The following NPM1 variants were observed in gnomAD, a reference collection of about 807,000 sequenced individuals.
NPM1 encodes the protein nucleophosmin.
Under a neutral mutation model 44.1 loss-of-function variants are expected in NPM1, and 1 was observed. That is an observed-to-expected ratio of 0.02 (90% CI 0.01 to 0.11). The LOEUF (loss-of-function observed/expected upper bound fraction) is 0.11. Among genes scored for constraint, NPM1 ranks in the 10% least tolerant of loss-of-function variants. The pLI is 1.00. For synonymous variants in NPM1, 126 were observed against 111.8 expected (o/e 1.13, Z -0.80); for missense variants, 197 against 347.8 (o/e 0.57, Z 3.45).
intron 8 of NPM1, among the ~76,000 whole-genome samples, chr5:171,404,871 T>C (rs34878135): frequency 0.55 from 83,198 of 151,924 alleles, 22,822 homozygotes; most frequent in Middle Eastern, 0.6. Flanking sequence ...AACGAGACTC[T>C]GTCTGCCCTG....
intron 7 of NPM1, among the ~76,000 whole-genome samples, chr5:171,400,460 CTTT>C (rs199784076): frequency 7.1e-4 from 99 of 138,670 alleles, no homozygotes; most frequent in Middle Eastern, 3.7e-3. Context: ...TTTTTCCTTC[CTTT>C]TTTTTTTTTT....
At chr5:171,391,477 AG>A in intron 3 of NPM1, 53 bp downstream of exon 3, 2 of 1,595,940 alleles carry the variant, frequency 1.3e-6, no homozygotes, top group Non-Finnish European at 8.5e-7. Context: ...TTCTGTTTTA[AG>A]GTAGGTTTGG....
intron 2 of NPM1, chr5:171,391,075 G>A: frequency 2.2e-6 from 1 of 456,700 alleles, no homozygotes; most frequent in Non-Finnish European, 3.9e-6. Context: ...ACAGTATTCA[G>A]TACAGTAACA....
At chr5:171,400,315 C>CATCTCATACTGAGGGAGATG (rs1771127717) in intron 7 of NPM1, 105 bp downstream of exon 7, 1 of 1,398,826 alleles carries the variant, frequency 7.1e-7, no homozygotes, top group African/African-American at 1.4e-5. Context: ...TGTGGGAGAT[C>CATCTCATACTGAGGGAGATG]ATCTCATACT....
rs1197252743 is a variant in NPM1 at position 171,404,311 on chromosome 5, C to T, written c.670-991C>T. On this transcript the variant is annotated intron_variant, in intron 8 of 10. Coordinates refer to ENST00000296930, the MANE Select transcript of NPM1 (RefSeq NM_002520.7). ...CTCACTTCCCAGATGGGGTGGCTGC[C>T]GGGCGGAGAGGCTCCTCACTTCTCA... is the stretch of plus-strand genomic sequence containing the variant. Among the ~76,000 whole-genome samples, 31 of 93,912 alleles carry T rather than the reference C, an allele frequency of 3.3e-4. 3 individuals are homozygous for T. Among genetic ancestry groups the T allele is most frequent in the African/African-American group, 6.0e-4 (14 of 23,198 alleles). 61.6% of individuals were successfully genotyped at this position (93,912 alleles called of 152,430 possible). A position where few individuals can be genotyped will look rare whatever the true frequency, so the allele number is the denominator to read the frequency against.
At chr5:171,400,791 CTGT>C (rs774319318) in intron 7 of NPM1, 45 bp from the exon 8 acceptor site, 5 of 1,262,116 alleles carry the variant, frequency 4.0e-6, no homozygotes, top group South Asian at 3.6e-5. Flanking sequence ...TTTGTTTGCA[CTGT>C]TGTTGGGGTC....
intron 9 of NPM1, chr5:171,406,497 AT>A (rs1390340493): frequency 6.3e-6 from 10 of 1,595,896 alleles, no homozygotes; most frequent in Non-Finnish European, 7.7e-6. Flanking sequence ...GTCATCAACA[AT>A]CCAGACTGAA....
chr5:171,409,583 T>C (rs1191931855), intron 10 of NPM1, among the ~76,000 whole-genome samples: 1 of 152,192 alleles, frequency 6.6e-6, no homozygotes, highest in African/African-American at 2.4e-5. Flanking sequence ...TGGCATTCGG[T>C]ATTCAGTTAC....
At chr5:171,395,637 CAAATATT>C (rs1414381032) in intron 6 of NPM1, among the ~76,000 whole-genome samples, 1 of 152,126 alleles carries the variant, frequency 6.6e-6, no homozygotes, top group African/African-American at 2.4e-5. Context: ...TTGAGGGAAA[CAAATATT>C]AATAGAAACT....
At chr5:171,388,070 A>AGGGGGGGGGTGT in intron 1 of NPM1, 64 bp downstream of exon 1, 4 of 531,784 alleles carry the variant, frequency 7.5e-6, no homozygotes, top group East Asian at 4.7e-5. Context: ...GGTGGGGGTG[A>AGGGGGGGGGTGT]GGGGCGGGAA....
intron 2 of NPM1, 84 bp downstream of exon 2, chr5:171,390,214 T>C: frequency 2.7e-6 from 2 of 730,598 alleles, no homozygotes; most frequent in South Asian, 1.9e-5. Context: ...AGACTTTTTT[T>C]CCTTTGCTGA....
Position 171,404,319 on chromosome 5 carries a change from G to T in NPM1, c.670-983G>T, listed in dbSNP as rs1457575516. 8.6e-5 allele frequency among the ~76,000 whole-genome samples: 8 copies of T among 92,884 alleles called. 1 individual carries two copies. The allele number at this position is 92,884 out of a possible 152,430, so 60.9% of individuals were successfully genotyped here. Reference sequence around the variant, plus strand: ...CCAGATGGGGTGGCTGCCGGGCGGAGAGGCTCCTCACTTCTCAGACGGGGC... The same window carrying T: ...CCAGATGGGGTGGCTGCCGGGCGGATAGGCTCCTCACTTCTCAGACGGGGC... On this transcript the variant is annotated intron_variant, in intron 8 of 10. Transcript: ENST00000296930.
intron 6 of NPM1, among the ~76,000 whole-genome samples, chr5:171,393,188 A>G (rs1211292812): frequency 2.6e-5 from 4 of 152,208 alleles, no homozygotes; most frequent in Admixed American, 1.3e-4. Flanking sequence ...AGCCTTTACA[A>G]TGCTGTGACT....
intron 1 of NPM1, among the ~76,000 whole-genome samples, chr5:171,388,754 A>G (rs76001650): frequency 5.9e-5 from 9 of 152,250 alleles, no homozygotes; most frequent in Non-Finnish European, 1.0e-4. Flanking sequence ...ATGTACTGTG[A>G]TGGCAGCTCT....
intron 1 of NPM1, 72 bp downstream of exon 1, chr5:171,388,078 G>GGTGGGGGGGGGT: frequency 8.1e-5 from 50 of 616,714 alleles, no homozygotes; most frequent in East Asian, 3.1e-4. Flanking sequence ...TGAGGGGCGG[G>GGTGGGGGGGGGT]AATCCGGCTG....
intron 10 of NPM1, 86 bp from the exon 11 acceptor site, chr5:171,410,441 T>C: frequency 1.3e-6 from 1 of 790,056 alleles, no homozygotes; most frequent in South Asian, 1.9e-5. Context: ...AAAATAGATG[T>C]TGAACTATGC....
intron 4 of NPM1, 124 bp downstream of exon 4, chr5:171,391,923 C>G (rs1770594208): frequency 4.3e-6 from 2 of 462,040 alleles, no homozygotes; most frequent in Admixed American, 4.1e-5. Flanking sequence ...CAATGTGAGT[C>G]TAGAAATTGG....
intron 2 of NPM1, 184 bp from the exon 3 acceptor site, chr5:171,391,121 C>T: frequency 1.6e-6 from 1 of 631,032 alleles, no homozygotes; most frequent in Non-Finnish European, 2.7e-6. Context: ...GTGTAGTAGG[C>T]TATACCATCT....
chr5:171,401,710 T>C (rs755806601), intron 8 of NPM1, among the ~76,000 whole-genome samples: 8 of 152,216 alleles, frequency 5.3e-5, no homozygotes, highest in Non-Finnish European at 1.2e-4. Flanking sequence ...TCAAAGTGTG[T>C]GAGCCACCAC....
Sources: allele counts gnomAD v4.1 joint callset (sites outside exome capture counted in the v4.1 genomes callset), GRCh38; gene constraint gnomAD v4.1.1; transcripts MANE v1.5; gene names NCBI Gene and HGNC (gene_info 2026-07-23, HGNC 2026-07-21).